The following HEATR1 variants were observed in gnomAD, a reference collection of about 807,000 sequenced individuals.
The protein encoded by HEATR1 is HEAT repeat containing 1.
Under a neutral mutation model 248.2 loss-of-function variants are expected in HEATR1, and 77 were observed. The ratio of observed to expected loss-of-function variants is 0.31; its 90% CI spans 0.26 to 0.37. HEATR1 has a LOEUF of 0.37. HEATR1 is among the 10% of genes least tolerant of loss of function. The pLI, the probability that HEATR1 is intolerant of heterozygous loss-of-function variation, is 1.00. For missense variants in HEATR1, 2,420 were observed against 2,504.9 expected (o/e 0.97, Z 0.72); for synonymous variants, 897 against 923.1 (o/e 0.97, Z 0.51).
At position 236,575,112 on chromosome 1, in the gene HEATR1, G is replaced by A. The variant is rs1663532009; in HGVS notation, c.3085-209C>T. ...GACAGTTCATGTGTAATGCTCAAAA[G>A]TGCTAAACCCTTCAGAGATGAGCAG... On this transcript the variant is annotated intron_variant, in intron 22 of 44. Coordinates refer to ENST00000366582, the MANE Select transcript of HEATR1 (RefSeq NM_018072.6). Among the ~76,000 whole-genome samples, 3 of 152,150 alleles carry A rather than the reference G, an allele frequency of 2.0e-5. No homozygotes were observed. The South Asian group carries it at 6.2e-4, about 32-fold the overall frequency.
chr1:236,604,038 G>A lies in HEATR1; in HGVS notation c.58C>T (p.Leu20Phe), dbSNP rs1377280217. ...GAAGCAACTTCATCTCTAGATAAGA[G>A]GCTGGCATCACTTTGAGGGAGGGCG... ...RLALPQSDAS[L>F]LSRDEVASLL... is the part of the protein sequence containing the mutation. The change falls in exon 2 of 45, where the codon CTC (leucine) becomes TTC (phenylalanine). Residue 20 changes from leucine to phenylalanine, a missense_variant. Physicochemically the swap from Leu to Phe is conservative, Grantham distance 22 (BLOSUM62 0). Transcript: ENST00000366582. 7 of 1,592,154 alleles carry A rather than the reference G, an allele frequency of 4.4e-6. No individual in the cohort carries two copies. Among genetic ancestry groups the A allele is most frequent in the Non-Finnish European group, 6.0e-6 (7 of 1,172,126 alleles).
rs571346977 is a variant in HEATR1 at position 236,574,089 on chromosome 1, G to A, written c.3459+113C>T. 1.4e-5 allele frequency: 12 copies of A among 853,298 alleles called. No homozygotes were observed. The East Asian group carries it at 3.0e-4, about 21-fold the overall frequency. 52.9% of individuals were successfully genotyped at this position (853,298 alleles called of 1,614,324 possible). Reference sequence around the variant, plus strand: ...TTACTTTTCCATGATTTTTGTTAATGGTAACATCTGACCTCTTACAAGCAC... The same window carrying A: ...TTACTTTTCCATGATTTTTGTTAATAGTAACATCTGACCTCTTACAAGCAC... On this transcript the variant is annotated intron_variant, in intron 24 of 44. Coordinates refer to ENST00000366582, the MANE Select transcript of HEATR1 (RefSeq NM_018072.6).
intron 12 of HEATR1, among the ~76,000 whole-genome samples, chr1:236,590,506 C>T (rs563201819): frequency 6.6e-6 from 1 of 152,274 alleles, no homozygotes; most frequent in Non-Finnish European, 1.5e-5. Context: ...GGATTATAGG[C>T]ATGAGCTGCT....
At chr1:236,597,734 C>T (rs1221927367) in intron 5 of HEATR1, 144 bp downstream of exon 5, 1 of 522,944 alleles carries the variant, frequency 1.9e-6, no homozygotes, top group Admixed American at 3.6e-5. Context: ...TCTCAAACTG[C>T]TCCTGCTTCA....
chr1:236,597,314 A>G (rs999249685), intron 5 of HEATR1, among the ~76,000 whole-genome samples: 21 of 146,678 alleles, frequency 1.4e-4, no homozygotes, highest in Non-Finnish European at 2.8e-4. Context: ...GTACAGTGGC[A>G]TGATCTTGGG....
In HEATR1 at chr1:236,559,975, G is replaced by C. The variant is rs774061437; in HGVS notation, c.4647-138C>G. ...ACTAAATTATTTCAAAAACTACTCG[G>C]AAAGAAAGGAAATGAGGGATTATTG... On this transcript the variant is annotated intron_variant, in intron 33 of 44. Coordinates refer to ENST00000366582, the MANE Select transcript of HEATR1 (RefSeq NM_018072.6). 27 of 886,248 alleles carry C rather than the reference G, an allele frequency of 3.0e-5. 1 individual carries two copies. Among genetic ancestry groups the C allele is most frequent in the Admixed American group, 2.0e-4 (6 of 29,602 alleles). The allele number at this position is 886,248 out of a possible 1,614,324, so 54.9% of individuals were successfully genotyped here.
chr1:236,585,792 A>C (rs765526683), intron 16 of HEATR1, 28 bp downstream of exon 16: 1 of 1,603,454 alleles, frequency 6.2e-7, no homozygotes, highest in South Asian at 1.1e-5. Flanking sequence ...AAAGAAATCC[A>C]GGGGGTGGAC....
Position 236,587,455 on chromosome 1 carries a change from A to G in HEATR1, c.1662T>C (p.Ile554=). The G allele has an allele frequency of 1.3e-6, 2 of 1,541,870 alleles. No individual in the cohort carries two copies. The highest frequency in any genetic ancestry group is 1.3e-5 in the South Asian group (1 of 78,430). The change falls in exon 14 of 45, where the codon ATT becomes ATC. Residue 554 remains isoleucine (I), a synonymous_variant. Coordinates refer to ENST00000366582, the MANE Select transcript of HEATR1 (RefSeq NM_018072.6). ...TTTGAAAGAGATTCAGAAGATTTGA[A>G]ATCGTCACTTCTGAACTGAAGTGTT... is the stretch of plus-strand genomic sequence containing the variant. ...FKEHFSSEVT[I]SNLLNLFQRA...
chr1:236,584,774 A>G (rs1418373426), intron 17 of HEATR1, among the ~76,000 whole-genome samples: 1 of 152,210 alleles, frequency 6.6e-6, no homozygotes, highest in Non-Finnish European at 1.5e-5. Context: ...AAGACAATAA[A>G]AGAGAGGAGA....
intron 3 of HEATR1, among the ~76,000 whole-genome samples, chr1:236,600,480 TC>T (rs1664292379): frequency 6.6e-6 from 1 of 151,892 alleles, no homozygotes; most frequent in Admixed American, 6.6e-5. Flanking sequence ...GTGAAAACTC[TC>T]CTATCCTTTT....
intron 22 of HEATR1, among the ~76,000 whole-genome samples, chr1:236,575,381 A>C (rs1420045404): frequency 6.6e-6 from 1 of 152,184 alleles, no homozygotes; most frequent in African/African-American, 2.4e-5. Flanking sequence ...AATTTTATTT[A>C]CTGAAACACA....
At chr1:236,587,359 A>C in intron 14 of HEATR1, 43 bp downstream of exon 14, 1 of 944,552 alleles carries the variant, frequency 1.1e-6, no homozygotes, top group Non-Finnish European at 1.5e-6. Flanking sequence ...TGATATAAGA[A>C]CTTCATCAAT....
intron 22 of HEATR1, 139 bp downstream of exon 22, chr1:236,576,080 C>G: frequency 1.8e-6 from 1 of 547,422 alleles, no homozygotes; most frequent in South Asian, 4.5e-5. Flanking sequence ...CAACTCATCC[C>G]CCTCTCAAAT....
At chr1:236,576,514 G>A in intron 21 of HEATR1, 137 bp from the exon 22 acceptor site, 1 of 730,058 alleles carries the variant, frequency 1.4e-6, no homozygotes, top group Non-Finnish European at 2.1e-6. Context: ...ACCTTAATAA[G>A]AAACGTTATT....
chr1:236,590,315 C>G (rs2103149769), intron 12 of HEATR1, among the ~76,000 whole-genome samples: 1 of 152,166 alleles, frequency 6.6e-6, no homozygotes, highest in East Asian at 1.9e-4. Flanking sequence ...GCAGCCTCAA[C>G]CTCTCACACC....
At chr1:236,581,452 A>C (rs748264513) in intron 19 of HEATR1, 38 bp from the exon 20 acceptor site, 44 of 1,393,994 alleles carry the variant, frequency 3.2e-5, no homozygotes, top group Non-Finnish European at 4.0e-5. Context: ...TTTAATTCTT[A>C]CTCAAATAAG....
chr1:236,578,886 G>A (rs1404684548), intron 20 of HEATR1, among the ~76,000 whole-genome samples: 1 of 151,958 alleles, frequency 6.6e-6, no homozygotes, highest in Non-Finnish European at 1.5e-5. Context: ...GAGACCAACT[G>A]CGCTAGGGTT....
intron 4 of HEATR1, among the ~76,000 whole-genome samples, chr1:236,599,141 G>C (rs1171257473): frequency 6.6e-6 from 1 of 152,008 alleles, no homozygotes; most frequent in African/African-American, 2.4e-5. Flanking sequence ...GGCATGGTAC[G>C]ATACAAAGGC....
Position 236,585,190 on chromosome 1 carries a change from C to G in HEATR1, c.2076G>C (p.Glu692Asp). The G allele has an allele frequency of 6.2e-7, 1 of 1,612,016 alleles. No individual in the cohort carries two copies. The highest frequency in any genetic ancestry group is 8.5e-7 in the Non-Finnish European group (1 of 1,179,346). Reference protein sequence around the residue: ...KMVEDLISVGEEESFNLKQKV... With the variant: ...KMVEDLISVGDEESFNLKQKV... ...TCTGCTTCAGGTTAAAGGACTCCTCCTCACCCACGCTTATTAAATCCTCCA... is the reference window on the plus strand; with the variant it reads ...TCTGCTTCAGGTTAAAGGACTCCTCGTCACCCACGCTTATTAAATCCTCCA... Residue 692 changes from glutamate (E) to aspartate (D), a missense_variant, in exon 17 of 45, where the codon GAG (glutamate) becomes GAC (aspartate). Glu to Asp is a conservative substitution (Grantham distance 45). Transcript: ENST00000366582.
Sources: allele counts gnomAD v4.1 joint callset (sites outside exome capture counted in the v4.1 genomes callset), GRCh38; gene constraint gnomAD v4.1.1; transcripts MANE v1.5; gene names NCBI Gene and HGNC (gene_info 2026-07-23, HGNC 2026-07-21).